Variants in HS3ST4 observed in about 807,000 individuals in gnomAD.
HS3ST4 encodes the protein heparan sulfate-glucosamine 3-sulfotransferase 4, also known as heparan sulfate glucosamine 3-O-sulfotransferase 4.
HS3ST4 carries 17 observed loss-of-function variants against 29.2 expected under a neutral mutation model. The observed-to-expected ratio is 0.58, with a 90% CI of 0.40 to 0.87. The LOEUF is 0.87. Ranked by LOEUF, HS3ST4 falls within the 40% of genes least tolerant of loss-of-function variation. The probability of loss-of-function intolerance (pLI) is 0.00; values close to 1 mark genes in which losing one functional copy is unlikely to be tolerated. For missense variants in HS3ST4, 627 were observed against 634.5 expected, an observed-to-expected ratio of 0.99 and a Z score of 0.13; for synonymous variants, 314 against 285.7, an observed-to-expected ratio of 1.10 and a Z score of -1.00.
At chr16:26,058,783 T>C (rs571576153) in intron 1 of HS3ST4, among the ~76,000 whole-genome samples, 10 of 152,260 alleles carry the variant, frequency 6.6e-5, no homozygotes, top group East Asian at 5.8e-4. Context: ...ACTCAGTCCC[T>C]TTCTGGTGCA....
rs118014995 is a variant in HS3ST4 at position 26,005,711 on chromosome 16, C to G, written c.735-129901C>G. ...GATAGCCACGAGGGGATAATAAGAT[C>G]TAGAGAAGATTTTACTGTGTGAAAA... On this transcript the variant is annotated intron_variant, in intron 1 of 1. Coordinates refer to ENST00000331351, the MANE Select transcript of HS3ST4 (RefSeq NM_006040.3). Among the ~76,000 whole-genome samples, 132 of 148,744 alleles carry G rather than the reference C, an allele frequency of 8.9e-4. 2 individuals are homozygous for G. The East Asian group carries it at 0.021, about 24-fold the overall frequency.
At chr16:25,913,057 A>G (rs115960749) in intron 1 of HS3ST4, among the ~76,000 whole-genome samples, 288 of 152,288 alleles carry the variant, frequency 1.9e-3, no homozygotes, top group African/African-American at 6.7e-3. Flanking sequence ...AGATGCGACA[A>G]CTTGCGCTGT....
Position 25,862,163 on chromosome 16 carries a change from ATATTTATTTATTTATTTATTTATT to A in HS3ST4, c.734+169034_734+169057del, listed in dbSNP as rs60894635. Among the ~76,000 whole-genome samples, 305 of 144,766 alleles carry A rather than the reference ATATTTATTTATTTATTTATTTATT, an allele frequency of 2.1e-3. 2 individuals carry two copies. The highest frequency in any genetic ancestry group is 7.1e-3 in the Middle Eastern group (2 of 282). 95.0% of individuals were successfully genotyped at this position (144,766 alleles called of 152,430 possible). A position where few individuals can be genotyped will look rare whatever the true frequency, so the allele number is the denominator to read the frequency against. ...TCCTATGAGAATTTTATTTATTTACATATTTATTTATTTATTTATTTATTTATTTATTTATTTATTTATTTTTAA... is the reference window on the plus strand; with the variant it reads ...TCCTATGAGAATTTTATTTATTTACATATTTATTTATTTATTTATTTTTAA... On this transcript the variant is annotated intron_variant, in intron 1 of 1. Transcript: ENST00000331351.
intron 1 of HS3ST4, chr16:26,028,858 C>G (rs1250789888): frequency 6.6e-6 from 1 of 152,212 alleles, no homozygotes; most frequent in Non-Finnish European, 1.5e-5. Flanking sequence ...ACACAGAGCC[C>G]TGACCTACAG....
intron 1 of HS3ST4, among the ~76,000 whole-genome samples, chr16:26,059,999 C>A (rs1422439291): frequency 6.6e-6 from 1 of 152,202 alleles, no homozygotes; most frequent in East Asian, 1.9e-4. Context: ...AGGCTGGTCT[C>A]AAACTCCTGA....
At chr16:26,037,726 G>A (rs1969596468) in intron 1 of HS3ST4, among the ~76,000 whole-genome samples, 1 of 152,076 alleles carries the variant, frequency 6.6e-6, no homozygotes, top group African/African-American at 2.4e-5. Flanking sequence ...TCCTTTCATT[G>A]GTGCCATTAC....
At position 25,999,110 on chromosome 16, in the gene HS3ST4, G is replaced by A. The variant is rs149685555; in HGVS notation, c.735-136502G>A. Among the ~76,000 whole-genome samples the A allele has an allele frequency of 3.9e-4, 59 of 151,842 alleles. 1 individual carries two copies. Among genetic ancestry groups the A allele is most frequent in the Middle Eastern group, 3.4e-3 (1 of 294 alleles). ...ATATTTTTACTAGCTAATTCATTTC[G>A]TCTAGAGTTTTATATTAATTTACAT... On this transcript the variant is annotated intron_variant, in intron 1 of 1. Coordinates refer to ENST00000331351, the MANE Select transcript of HS3ST4 (RefSeq NM_006040.3).
intron 1 of HS3ST4, among the ~76,000 whole-genome samples, chr16:25,868,568 CAG>C (rs1967718791): frequency 6.6e-6 from 1 of 152,160 alleles, no homozygotes; most frequent in South Asian, 2.1e-4. Flanking sequence ...ATTGTGTAAA[CAG>C]AGACCATTTG....
intron 1 of HS3ST4, among the ~76,000 whole-genome samples, chr16:25,857,899 T>TTC (rs1967591462): frequency 1.1e-5 from 1 of 93,658 alleles, no homozygotes; most frequent in African/African-American, 4.0e-5. Context: ...TCTTTTTCTT[T>TTC]CTTCCTTCCT....
intron 1 of HS3ST4, among the ~76,000 whole-genome samples, chr16:26,128,794 C>G (rs1022367408): frequency 1.3e-5 from 2 of 152,144 alleles, no homozygotes; most frequent in African/African-American, 4.8e-5. Context: ...CGTGAAATTG[C>G]CCTGCTCAGT....
chr16:26,069,803 AGT>A (rs971514146), intron 1 of HS3ST4, among the ~76,000 whole-genome samples: 1 of 146,404 alleles, frequency 6.8e-6, no homozygotes, highest in Non-Finnish European at 1.5e-5. Flanking sequence ...GAGAACATGC[AGT>A]GTTTGGTTTT....
chr16:25,748,944 A>T (rs1418214001), intron 1 of HS3ST4, among the ~76,000 whole-genome samples: 1 of 152,200 alleles, frequency 6.6e-6, no homozygotes, highest in Non-Finnish European at 1.5e-5. Flanking sequence ...CAGTATGAAT[A>T]TTCTTCCCAT....
chr16:26,077,222 C>T (rs1898672826), intron 1 of HS3ST4, among the ~76,000 whole-genome samples: 1 of 152,164 alleles, frequency 6.6e-6, no homozygotes, highest in Admixed American at 6.5e-5. Flanking sequence ...AACTGCAAGG[C>T]CATTTAGGGC....
intron 1 of HS3ST4, among the ~76,000 whole-genome samples, chr16:25,813,215 G>A (rs1053248985): frequency 6.6e-6 from 1 of 152,178 alleles, no homozygotes; most frequent in African/African-American, 2.4e-5. Flanking sequence ...AATCATTGAG[G>A]AAATGCACAT....
Position 25,692,627 on chromosome 16 carries a change from C to CGCCGCCGCCGA in HS3ST4, c.214_224dup (p.Pro80ArgfsTer74). On this transcript the variant is annotated frameshift_variant, in exon 1 of 2. Coordinates refer to ENST00000331351, the MANE Select transcript of HS3ST4 (RefSeq NM_006040.3). LOFTEE classifies it high-confidence loss of function. ...CTCTGGCGCTGCAGGAGTCGCCGGG[C>CGCCGCCGCCGA]GCCGCCGCCGAGCCCCCGCCGAGCC... is the stretch of plus-strand genomic sequence containing the variant. 1 of 1,368,588 alleles carries CGCCGCCGCCGA rather than the reference C, an allele frequency of 7.3e-7. No individual in the cohort carries two copies. The highest frequency in any genetic ancestry group is 9.5e-7 in the Non-Finnish European group (1 of 1,050,964). 84.8% of individuals were successfully genotyped at this position (1,368,588 alleles called of 1,614,324 possible).
chr16:25,692,379 TGCCGCCGCCGCCGCC>T lies in HS3ST4; in HGVS notation c.-30_-16del, dbSNP rs958713046. On this transcript the variant is annotated 5_prime_UTR_variant, in exon 1 of 2. Transcript: ENST00000331351. ...ACCATGTCCGGGCAGCGCCGGGGGC[TGCCGCCGCCGCCGCC>T]GCCGCCGCGAGCCGGGAGCCGCGAT... The T allele has an allele frequency of 3.6e-5, 17 of 477,762 alleles. No homozygotes were observed. The highest frequency in any genetic ancestry group is 6.7e-5 in the Admixed American group (1 of 15,022). The allele number at this position is 477,762 out of a possible 1,614,324, so 29.6% of individuals were successfully genotyped here.
intron 1 of HS3ST4, among the ~76,000 whole-genome samples, chr16:25,944,019 G>A (rs1238481158): frequency 6.6e-6 from 1 of 152,258 alleles, no homozygotes; most frequent in Non-Finnish European, 1.5e-5. Flanking sequence ...TTCTTTAAGA[G>A]ATGTGGTAAA....
At chr16:25,966,496 C>G (rs1313707004) in intron 1 of HS3ST4, among the ~76,000 whole-genome samples, 1 of 152,130 alleles carries the variant, frequency 6.6e-6, no homozygotes, top group East Asian at 1.9e-4. Flanking sequence ...CTGAAGCAAC[C>G]TGAGGTGCTC....
At chr16:25,907,362 C>T (rs112412984) in intron 1 of HS3ST4, among the ~76,000 whole-genome samples, 39 of 152,054 alleles carry the variant, frequency 2.6e-4, no homozygotes, top group African/African-American at 8.7e-4. Flanking sequence ...CATGGGGAGG[C>T]GGGGTAGGGG....
Sources: gnomAD v4.1 joint callset for allele counts (sites outside exome capture counted in the v4.1 genomes callset) on GRCh38, gnomAD v4.1.1 for gene constraint, MANE v1.5 for transcripts, NCBI Gene and HGNC (gene_info 2026-07-23, HGNC 2026-07-21) for gene names.